TRIM71: variants seen among roughly 807,000 people sequenced by gnomAD.
The protein encoded by TRIM71 is E3 ubiquitin-protein ligase TRIM71.
In TRIM71, 9 loss-of-function variants were observed where a neutral mutation model predicts 61.2. That is an observed-to-expected ratio of 0.15 (90% confidence interval 0.09 to 0.26). The LOEUF is 0.26. Ranked by LOEUF, TRIM71 falls within the 10% of genes least tolerant of loss-of-function variation. TRIM71 has a pLI of 1.00. For synonymous variants in TRIM71, 645 were observed against 553.2 expected, an observed-to-expected ratio of 1.17 and a Z score of -2.33; for missense variants, 998 against 1,238.7, an observed-to-expected ratio of 0.81 and a Z score of 2.92.
At chr3:32,870,202 A>G (rs1363544195) in intron 1 of TRIM71, among the ~76,000 whole-genome samples, 1 of 152,208 alleles carries the variant, frequency 6.6e-6, no homozygotes, top group African/African-American at 2.4e-5. Context: ...ATGAAATCCT[A>G]CCAAAGTTCT....
chr3:32,826,330 A>G (rs1434302180), intron 1 of TRIM71, among the ~76,000 whole-genome samples: 1 of 152,084 alleles, frequency 6.6e-6, no homozygotes, highest in African/African-American at 2.4e-5. Flanking sequence ...AATCCCAGCT[A>G]CTGAGGCTGA....
chr3:32,893,498 A>G lies in TRIM71; in HGVS notation c.*1687A>G, dbSNP rs1697048822. The G allele has an allele frequency of 6.6e-6, 1 of 152,160 alleles. No homozygotes were observed. Among genetic ancestry groups the G allele is most frequent in the Non-Finnish European group, 1.5e-5 (1 of 68,024 alleles). 9.4% of individuals were successfully genotyped at this position (152,160 alleles called of 1,614,324 possible). ...TTCCTGCAATGCCCCAAATACTGAA[A>G]TAAGAACCAAATTCTGGAGGAGCCC... is the stretch of plus-strand genomic sequence containing the variant. On this transcript the variant is annotated 3_prime_UTR_variant, in exon 4 of 4. Transcript: ENST00000383763.
At chr3:32,858,694 G>A (rs1003895294) in intron 1 of TRIM71, among the ~76,000 whole-genome samples, 3 of 152,172 alleles carry the variant, frequency 2.0e-5, no homozygotes, top group African/African-American at 7.2e-5. Context: ...CAATTTGGGG[G>A]AAGGACAGAG....
At chr3:32,869,001 A>G (rs911016134) in intron 1 of TRIM71, among the ~76,000 whole-genome samples, 5 of 152,234 alleles carry the variant, frequency 3.3e-5, no homozygotes, top group Admixed American at 1.3e-4. Flanking sequence ...ATCTCAGTCA[A>G]GTAAAGCGTT....
chr3:32,834,092 A>G (rs1181341674), intron 1 of TRIM71, among the ~76,000 whole-genome samples: 1 of 152,250 alleles, frequency 6.6e-6, no homozygotes, highest in Non-Finnish European at 1.5e-5. Context: ...AGCTCTGTTC[A>G]GCTGTGGACT....
At chr3:32,819,272 GCTC>G (rs1696101138) in intron 1 of TRIM71, among the ~76,000 whole-genome samples, 2 of 766 alleles carry the variant, frequency 2.6e-3, no homozygotes, top group Admixed American at 0.056. Flanking sequence ...GACGTGGCCT[GCTC>G]CTGCTCTTGT....
At position 32,833,184 on chromosome 3, in the gene TRIM71, TAAAAAAAAA is replaced by T. The variant is rs1182178339; in HGVS notation, c.852+14272_852+14280del. Among the ~76,000 whole-genome samples, 72 of 54,434 alleles carry T rather than the reference TAAAAAAAAA, an allele frequency of 1.3e-3. 2 individuals carry two copies. In the South Asian group the frequency reaches 0.04, roughly 31 times the overall value. 35.7% of individuals were successfully genotyped at this position (54,434 alleles called of 152,430 possible). ...GGTGACAAGAATGAAACTCTGTCTT[TAAAAAAAAA>T]AAAAAAAAAAAAAAAAAAAGAGGCA... On this transcript the variant is annotated intron_variant, in intron 1 of 3. Coordinates refer to ENST00000383763, the MANE Select transcript of TRIM71 (RefSeq NM_001039111.3).
chr3:32,818,069 GC>G lies in TRIM71; in HGVS notation c.-11del, dbSNP rs758516100. On this transcript the variant is annotated 5_prime_UTR_variant, in exon 1 of 4. Transcript: ENST00000383763. ...CTCTCTGGTCTCCTCCCTCCTCCGG[GC>G]TGGGTTGCAAATGGCTTCGTTCCCC... 18 of 1,609,410 alleles carry G rather than the reference GC, an allele frequency of 1.1e-5. No homozygotes were observed. Among genetic ancestry groups the G allele is most frequent in the Non-Finnish European group, 1.5e-5 (18 of 1,177,482 alleles).
At chr3:32,859,429 G>A (rs1270403563) in intron 1 of TRIM71, among the ~76,000 whole-genome samples, 1 of 151,668 alleles carries the variant, frequency 6.6e-6, no homozygotes, top group Non-Finnish European at 1.5e-5. Context: ...CTGGCTAATT[G>A]TGTTTTTTTA....
Position 32,897,226 on chromosome 3 carries a change from T to A in TRIM71, c.*5415T>A, listed in dbSNP as rs548422365. 1 of 152,014 alleles carries A rather than the reference T, an allele frequency of 6.6e-6. No homozygotes were observed. The highest frequency in any genetic ancestry group is 6.6e-5 in the Admixed American group (1 of 15,262). The allele number at this position is 152,014 out of a possible 1,614,324, so 9.4% of individuals were successfully genotyped here. A position where few individuals can be genotyped will look rare whatever the true frequency, so the allele number is the denominator to read the frequency against. Reference sequence around the variant, plus strand: ...TTTTTTAAATAAACAATTGGGGGAATTAATGTGGGCAAGTTGCCTTATGTT... The same window carrying A: ...TTTTTTAAATAAACAATTGGGGGAAATAATGTGGGCAAGTTGCCTTATGTT... On this transcript the variant is annotated 3_prime_UTR_variant, in exon 4 of 4. Coordinates refer to ENST00000383763, the MANE Select transcript of TRIM71 (RefSeq NM_001039111.3).
chr3:32,856,720 C>T (rs1165359682), intron 1 of TRIM71, among the ~76,000 whole-genome samples: 1 of 152,198 alleles, frequency 6.6e-6, no homozygotes, highest in African/African-American at 2.4e-5. Flanking sequence ...AACGAGCAAA[C>T]AAAGTAACCT....
intron 1 of TRIM71, among the ~76,000 whole-genome samples, chr3:32,847,502 T>G (rs1409877959): frequency 6.6e-6 from 1 of 152,164 alleles, no homozygotes; most frequent in Non-Finnish European, 1.5e-5. Context: ...GCCAGGGTAG[T>G]GCTGTTTTTA....
At chr3:32,863,849 C>T (rs151154804) in intron 1 of TRIM71, among the ~76,000 whole-genome samples, 183 of 151,942 alleles carry the variant, frequency 1.2e-3, no homozygotes, top group Non-Finnish European at 2.1e-3. Context: ...GCCTGGCTAA[C>T]TTTTGTATTT....
chr3:32,863,194 C>CTTTTTTTTTTTTTT (rs1559545534), intron 1 of TRIM71, among the ~76,000 whole-genome samples: 1 of 117,664 alleles, frequency 8.5e-6, no homozygotes, highest in African/African-American at 3.3e-5. Flanking sequence ...ATTAATTGAA[C>CTTTTTTTTTTTTTT]CTTTTTTTTT....
At chr3:32,826,283 C>T (rs1452646187) in intron 1 of TRIM71, among the ~76,000 whole-genome samples, 9 of 152,138 alleles carry the variant, frequency 5.9e-5, no homozygotes, top group African/African-American at 9.7e-5. Context: ...CATGGTGAAA[C>T]CCCATCTCTA....
At chr3:32,846,350 C>T (rs1365703275) in intron 1 of TRIM71, among the ~76,000 whole-genome samples, 1 of 152,204 alleles carries the variant, frequency 6.6e-6, no homozygotes, top group Admixed American at 6.5e-5. Context: ...GCTGGGATTA[C>T]AGGCGTGAGC....
At chr3:32,886,805 G>T (rs1696967459) in intron 3 of TRIM71, among the ~76,000 whole-genome samples, 1 of 152,142 alleles carries the variant, frequency 6.6e-6, no homozygotes, top group South Asian at 2.1e-4. Context: ...CTCAGTTTCT[G>T]CAAGTGAACT....
chr3:32,832,975 C>T (rs1252279367), intron 1 of TRIM71, among the ~76,000 whole-genome samples: 1 of 151,794 alleles, frequency 6.6e-6, no homozygotes, highest in Non-Finnish European at 1.5e-5. Context: ...GAGTTCTAGA[C>T]CAGCCTGGCC....
At chr3:32,865,688 T>G (rs1696725169) in intron 1 of TRIM71, among the ~76,000 whole-genome samples, 1 of 152,000 alleles carries the variant, frequency 6.6e-6, no homozygotes, top group African/African-American at 2.4e-5. Context: ...CTGTTTCTCT[T>G]TTTATCAAGT....
Sources: gnomAD v4.1 joint callset for allele counts (sites outside exome capture counted in the v4.1 genomes callset) on GRCh38, gnomAD v4.1.1 for gene constraint, MANE v1.5 for transcripts, NCBI Gene and HGNC (gene_info 2026-07-23, HGNC 2026-07-21) for gene names.